Variants in KIF13B observed in about 807,000 individuals in gnomAD.
The protein encoded by KIF13B is kinesin family member 13B.
In KIF13B, 127 loss-of-function variants were observed where a neutral mutation model predicts 222.0. The observed-to-expected ratio is 0.57, with a 90% confidence interval of 0.50 to 0.66. KIF13B has a LOEUF of 0.66. Ranked by LOEUF, KIF13B falls within the 30% of genes least tolerant of loss-of-function variation. The pLI, the probability that KIF13B is intolerant of heterozygous loss-of-function variation, is 0.00. For missense variants in KIF13B, 2,173 were observed against 2,379.0 expected (o/e 0.91, Z 1.80); for synonymous variants, 976 against 919.0 (o/e 1.06, Z -1.12).
At chr8:29,082,503 A>G (rs1201953850) in intron 37 of KIF13B, among the ~76,000 whole-genome samples, 1 of 152,082 alleles carries the variant, frequency 6.6e-6, no homozygotes, top group Non-Finnish European at 1.5e-5. Context: ...TTAGCCAGGC[A>G]TGGTAGCACA....
At position 29,142,239 on chromosome 8, in the gene KIF13B, C is replaced by A; in HGVS notation, c.2252G>T (p.Trp751Leu). ...VRRKGKGKQIWSLEKLDNRLL... is the reference protein window; with the variant it reads ...VRRKGKGKQILSLEKLDNRLL... ...CCTGTTGTCCAGTTTTTCCAAAGAC[C>A]AAATCTGCTTTCCTTTTCCTTTTCT... Residue 751 changes from tryptophan (W) to leucine (L), a missense_variant, in exon 19 of 40, where the codon TGG (tryptophan) becomes TTG (leucine). Physicochemically the swap from Trp to Leu is moderately conservative, Grantham distance 61 (BLOSUM62 -2). This residue lies in a region of KIF13B where 1,480 missense variants were observed against 1,722.8 expected (regional missense o/e 0.86). Coordinates refer to ENST00000524189, the MANE Select transcript of KIF13B (RefSeq NM_015254.4). 1 of 1,613,642 alleles carries A rather than the reference C, an allele frequency of 6.2e-7. No individual in the cohort carries two copies. Among genetic ancestry groups the A allele is most frequent in the Non-Finnish European group, 8.5e-7 (1 of 1,179,652 alleles).
intron 38 of KIF13B, 36 bp downstream of exon 38, chr8:29,075,244 GT>G: frequency 6.5e-7 from 1 of 1,532,480 alleles, no homozygotes; most frequent in Non-Finnish European, 8.8e-7. Flanking sequence ...CCTGCTCGCT[GT>G]AGGTGGGGTG....
chr8:29,245,523 C>A, intron 1 of KIF13B, 84 bp from the exon 2 acceptor site: 2 of 933,542 alleles, frequency 2.1e-6, no homozygotes, highest in South Asian at 1.5e-5. Flanking sequence ...GACAAAAATT[C>A]AATACTCTTT....
chr8:29,246,377 C>T (rs185404084), intron 1 of KIF13B, among the ~76,000 whole-genome samples: 40 of 148,084 alleles, frequency 2.7e-4, no homozygotes, highest in African/African-American at 9.5e-4. Flanking sequence ...AACTCTGTCT[C>T]GGGGGAAAAG....
intron 31 of KIF13B, among the ~76,000 whole-genome samples, chr8:29,116,452 G>A (rs1809602036): frequency 6.6e-6 from 1 of 151,916 alleles, no homozygotes; most frequent in African/African-American, 2.4e-5. Context: ...CTGAGCAACA[G>A]AGCAAGACTC....
intron 2 of KIF13B, among the ~76,000 whole-genome samples, chr8:29,234,274 G>A (rs114561112): frequency 0.011 from 1,644 of 152,128 alleles, 28 homozygotes; most frequent in African/African-American, 0.037. Context: ...CCAAGTGTCC[G>A]TCGGCCGATG....
intron 11 of KIF13B, 23 bp from the exon 12 acceptor site, chr8:29,165,795 A>G: frequency 6.6e-7 from 1 of 1,525,518 alleles, no homozygotes. Flanking sequence ...TGTTTACTTC[A>G]TGAAATGTCT....
rs537218966 is a variant in KIF13B, at chr8:29,164,728, T to C, written c.1269+934A>G. Among the ~76,000 whole-genome samples, 13 of 152,304 alleles carry C rather than the reference T, an allele frequency of 8.5e-5. No individual in the cohort carries two copies. The South Asian group carries it at 2.1e-3, about 24-fold the overall frequency. ...ATTACCATATGTATTTCTAAAACAG[T>C]TGGAAAATCATGAAACAGGAAAGCT... On this transcript the variant is annotated intron_variant, in intron 12 of 39. Coordinates refer to ENST00000524189, the MANE Select transcript of KIF13B (RefSeq NM_015254.4).
chr8:29,148,833 G>A, intron 15 of KIF13B, 66 bp from the exon 16 acceptor site: 4 of 1,333,480 alleles, frequency 3.0e-6, no homozygotes, highest in Non-Finnish European at 4.1e-6. Flanking sequence ...CATTCATTAA[G>A]TACTGGTATC....
rs1434640123 is a variant in KIF13B, at chr8:29,167,418, G to C, written c.1113C>G (p.Leu371=). 6.2e-7 allele frequency: 1 copy of C among 1,613,592 alleles called. No individual in the cohort carries two copies. The highest frequency in any genetic ancestry group is 1.7e-5 in the Admixed American group (1 of 60,016). ...CCCGGAGTTTCTCAACTTCTTCCCG[G>C]AGATCCCGGATAATTCGGGCATTAG... ...EDPNARIIRD[L]REEVEKLREQ... The change falls in exon 11 of 40, where the codon CTC becomes CTG. Residue 371 remains leucine (L), a synonymous_variant. Coordinates refer to ENST00000524189, the MANE Select transcript of KIF13B (RefSeq NM_015254.4).
intron 28 of KIF13B, among the ~76,000 whole-genome samples, chr8:29,122,875 G>A: frequency 6.6e-6 from 1 of 152,202 alleles, no homozygotes; most frequent in East Asian, 1.9e-4. Flanking sequence ...CCTGTTTGTA[G>A]TGAAGTTCTC....
rs770317379 is a variant in KIF13B at position 29,072,309 on chromosome 8, G to A, written c.4529C>T (p.Pro1510Leu). 5 of 1,414,278 alleles carry A rather than the reference G, an allele frequency of 3.5e-6. No homozygotes were observed. The highest frequency in any genetic ancestry group is 5.6e-5 in the East Asian group (2 of 36,004). 87.6% of individuals were successfully genotyped at this position (1,414,278 alleles called of 1,614,324 possible). A position where few individuals can be genotyped will look rare whatever the true frequency, so the allele number is the denominator to read the frequency against. ...IRVTRMEEAQ[P>L]EMGPDVLVQT... Reference sequence around the variant, plus strand: ...CACCAGCACGTCAGGGCCCATCTCCGGCTGAGCCTGCAGCAGGACGGGGAA... The same window carrying A: ...CACCAGCACGTCAGGGCCCATCTCCAGCTGAGCCTGCAGCAGGACGGGGAA... Residue 1510 changes from proline (P) to leucine (L), a missense_variant, in exon 39 of 40, where the codon CCG becomes CTG. By Grantham distance (98) the Pro-to-Leu change is moderately conservative. Around this residue, in one of 2 missense-constraint regions of KIF13B, gnomAD observed 693 missense variants for 656.2 expected, o/e 1.06. Coordinates refer to ENST00000524189, the MANE Select transcript of KIF13B (RefSeq NM_015254.4).
chr8:29,197,022 C>T (rs1219007149), intron 2 of KIF13B, among the ~76,000 whole-genome samples: 1 of 152,146 alleles, frequency 6.6e-6, no homozygotes, highest in Non-Finnish European at 1.5e-5. Context: ...CACTTACTGA[C>T]ATCTCATCAG....
chr8:29,226,460 T>TAATTTTAGGATGGGTGAGTG (rs1333922591), intron 2 of KIF13B, among the ~76,000 whole-genome samples: 1 of 152,160 alleles, frequency 6.6e-6, no homozygotes, highest in Non-Finnish European at 1.5e-5. Flanking sequence ...ATGGGAGCCC[T>TAATTTTAGGATGGGTGAGTG]TCACTTGAAG....
chr8:29,122,212 CCACTG>C (rs1809897819), intron 29 of KIF13B, among the ~76,000 whole-genome samples: 2 of 152,124 alleles, frequency 1.3e-5, no homozygotes, highest in Admixed American at 1.3e-4. Flanking sequence ...CGAGATCACA[CCACTG>C]CACTCCAGCC....
chr8:29,238,978 C>T (rs1317109036), intron 2 of KIF13B, among the ~76,000 whole-genome samples: 5 of 152,158 alleles, frequency 3.3e-5, no homozygotes, highest in Non-Finnish European at 4.4e-5. Context: ...GTGGAGGCTG[C>T]AGTGAGCAGT....
chr8:29,178,206 T>C (rs1812561768), intron 8 of KIF13B, among the ~76,000 whole-genome samples: 1 of 152,140 alleles, frequency 6.6e-6, no homozygotes, highest in Non-Finnish European at 1.5e-5. Flanking sequence ...AATTTTATTA[T>C]TATTGGAAAC....
Position 29,070,303 on chromosome 8 carries a change from G to A in KIF13B, c.*201C>T. On this transcript the variant is annotated 3_prime_UTR_variant, in exon 40 of 40. Transcript: ENST00000524189. The surrounding 1 kb of genome is among the most constrained non-coding windows in gnomAD (Gnocchi z 4.1). ...TCCATCCACCTGAGGAGGCACAGTT[G>A]AGGCCCCCACTTTACCCGGGTACAG... 6 of 616,210 alleles carry A rather than the reference G, an allele frequency of 9.7e-6. No individual in the cohort carries two copies. Among genetic ancestry groups the A allele is most frequent in the South Asian group, 2.0e-5 (1 of 50,218 alleles). 38.2% of individuals were successfully genotyped at this position (616,210 alleles called of 1,614,324 possible).
Position 29,130,666 on chromosome 8 carries a change from C to T in KIF13B, c.2943-1G>A, listed in dbSNP as rs995476966. Reference sequence around the variant, plus strand: ...CAATTTCCTGGTCACTTCACTCCATCTAGGAAATAAGCGAAGTTCTTGGAA... The same window carrying T: ...CAATTTCCTGGTCACTTCACTCCATTTAGGAAATAAGCGAAGTTCTTGGAA... On this transcript the variant is annotated splice_acceptor_variant, in intron 23 of 39. Transcript: ENST00000524189. LOFTEE classifies it high-confidence loss of function. 4 of 1,613,652 alleles carry T rather than the reference C, an allele frequency of 2.5e-6. No individual in the cohort carries two copies. The African/African-American group carries it at 4.0e-5, about 16-fold the overall frequency.
Sources: gnomAD v4.1 joint callset for allele counts (sites outside exome capture counted in the v4.1 genomes callset) on GRCh38, gnomAD v4.1.1 for gene constraint, gnomAD v4.1.1 regional missense constraint, Gnocchi (gnomAD v3.1) non-coding constraint, MANE v1.5 for transcripts, NCBI Gene and HGNC (gene_info 2026-07-23, HGNC 2026-07-21) for gene names.